Variants in FBRSL1 observed in about 807,000 individuals in gnomAD.
The protein encoded by FBRSL1 is fibrosin-1-like protein.
FBRSL1 carries 51 observed loss-of-function variants against 89.6 expected under a neutral mutation model. That is an observed-to-expected ratio of 0.57 (90% confidence interval 0.45 to 0.72). The LOEUF (loss-of-function observed/expected upper bound fraction) is 0.72, where lower values mean the gene tolerates loss of function less well. FBRSL1 is among the 30% of genes least tolerant of loss of function. FBRSL1 has a pLI of 0.00. For missense variants in FBRSL1, 1,618 were observed against 1,451.8 expected (o/e 1.11, Z -1.86); for synonymous variants, 779 against 681.1 (o/e 1.14, Z -2.24).
intron 1 of FBRSL1, chr12:132,507,336 C>T: frequency 2.0e-6 from 2 of 985,502 alleles, no homozygotes; most frequent in Non-Finnish European, 1.2e-6. Flanking sequence ...ACTTGACGCG[C>T]CGTATCTGTC....
chr12:132,548,045 T>C lies in FBRSL1; in HGVS notation c.645+13T>C. 1 of 1,549,950 alleles carries C rather than the reference T, an allele frequency of 6.5e-7. No homozygotes were observed. The highest frequency in any genetic ancestry group is 8.7e-7 in the Non-Finnish European group (1 of 1,146,562). On this transcript the variant is annotated intron_variant, in intron 5 of 18. Transcript: ENST00000680143. ...CCCGGACGACAAGGTAAGCCCAGCG[T>C]CCTCCTCCTGGGCTCGGCTGACAGC...
At chr12:132,582,939 C>T (rs1308443574) in intron 18 of FBRSL1, 32 bp from the exon 19 acceptor site, 3 of 1,370,898 alleles carry the variant, frequency 2.2e-6, no homozygotes, top group African/African-American at 1.5e-5. Context: ...ACGGAGGTCT[C>T]GGGAGTGACG....
rs1275620790 is a variant in FBRSL1, at chr12:132,570,504, C to G, written c.1177C>G (p.Pro393Ala). Residue 393 changes from proline (P) to alanine (A), a missense_variant, in exon 8 of 19, where the codon CCG becomes GCG. Pro to Ala is a conservative substitution (Grantham distance 27). Transcript: ENST00000680143. The part of the protein sequence containing the change: ...PPTLPPPPAL[P>A]ASSLVLPGHP... ...GACACTGCCCCCGCCCCCGGCGCTG[C>G]CGGCCAGCAGCCTGGTCCTCCCAGG... The G allele has an allele frequency of 2.6e-6, 4 of 1,526,598 alleles. No individual in the cohort carries two copies. Among genetic ancestry groups the G allele is most frequent in the Non-Finnish European group, 2.6e-6 (3 of 1,142,264 alleles). The allele number at this position is 1,526,598 out of a possible 1,614,324, so 94.6% of individuals were successfully genotyped here.
rs1216242760 is a variant in FBRSL1, at chr12:132,527,974, G to A, written c.601G>A (p.Gly201Arg). ...GCAGAGCTCTGCGCATGCGGTCTCG[G>A]GGAGAGGCTACTCTGTAAGTCTCCC... Reference protein sequence around the residue: ...LSDSSAHAVSGRGYSCDSESG... With the variant: ...LSDSSAHAVSRRGYSCDSESG... The change falls in exon 4 of 19, where the codon GGG becomes AGG. Residue 201 changes from glycine (G) to arginine (R), a missense_variant. Coordinates refer to ENST00000680143, the MANE Select transcript of FBRSL1 (RefSeq NM_001367871.1). 1 of 1,551,412 alleles carries A rather than the reference G, an allele frequency of 6.4e-7. No individual in the cohort carries two copies. The highest frequency in any genetic ancestry group is 8.7e-7 in the Non-Finnish European group (1 of 1,146,916).
intron 1 of FBRSL1, among the ~76,000 whole-genome samples, chr12:132,495,623 G>A (rs146876678): frequency 5.3e-5 from 8 of 152,330 alleles, no homozygotes; most frequent in South Asian, 2.1e-4. Context: ...GCAGGGGTGC[G>A]GAGCTGAGCC....
At chr12:132,529,358 C>T (rs1033887597) in intron 4 of FBRSL1, among the ~76,000 whole-genome samples, 3 of 152,208 alleles carry the variant, frequency 2.0e-5, no homozygotes, top group Non-Finnish European at 2.9e-5. Flanking sequence ...ATGGGCGGCG[C>T]GGCCACAGGC....
chr12:132,522,263 C>T (rs1176855752), intron 2 of FBRSL1, among the ~76,000 whole-genome samples: 1 of 152,150 alleles, frequency 6.6e-6, no homozygotes, highest in African/African-American at 2.4e-5. Context: ...CCTGAGCCCC[C>T]GACTGAGCCC....
intron 4 of FBRSL1, among the ~76,000 whole-genome samples, chr12:132,535,947 G>GGTGTGTGAGCGCACATGTGTCC (rs2036688096): frequency 8.2e-6 from 1 of 122,112 alleles, no homozygotes; most frequent in Non-Finnish European, 2.0e-5. Context: ...ATGTGTCCAT[G>GGTGTGTGAGCGCACATGTGTCC]ATGGTGTGTG....
At position 132,525,711 on chromosome 12, in the gene FBRSL1, G is replaced by A. The variant is rs748417665; in HGVS notation, c.490-23G>A. On this transcript the variant is annotated intron_variant, in intron 2 of 18. Coordinates refer to ENST00000680143, the MANE Select transcript of FBRSL1 (RefSeq NM_001367871.1). ...CGCGGTGAGGTGGGGGTTTGCCTGA[G>A]ACAGTGTCTCTCTCTGTCCCAGATG... 38 of 1,536,194 alleles carry A rather than the reference G, an allele frequency of 2.5e-5. No individual in the cohort carries two copies. In the South Asian group the frequency reaches 3.9e-4, roughly 16 times the overall value.
chr12:132,575,390 G>A (rs916868172), intron 14 of FBRSL1, among the ~76,000 whole-genome samples: 9 of 152,206 alleles, frequency 5.9e-5, no homozygotes, highest in African/African-American at 2.2e-4. Flanking sequence ...ACCACACCCG[G>A]CTAATTTTTT....
chr12:132,538,713 G>A (rs943025652), intron 4 of FBRSL1, among the ~76,000 whole-genome samples: 1 of 152,238 alleles, frequency 6.6e-6, no homozygotes. Context: ...GCTGTTGGCT[G>A]CAGTGACTTG....
intron 5 of FBRSL1, chr12:132,552,346 G>C (rs866104386): frequency 1.0e-4 from 16 of 156,612 alleles, no homozygotes; most frequent in Admixed American, 1.3e-4. Flanking sequence ...CTACCAGCAC[G>C]ACAGCCAGAG....
chr12:132,527,296 C>T (rs946464161), intron 3 of FBRSL1, among the ~76,000 whole-genome samples: 2 of 152,218 alleles, frequency 1.3e-5, no homozygotes, highest in African/African-American at 4.8e-5. Context: ...GTCTTCCTGC[C>T]TCCTCTGAGG....
intron 5 of FBRSL1, among the ~76,000 whole-genome samples, chr12:132,558,123 C>G (rs1376075173): frequency 1.3e-5 from 2 of 151,978 alleles, no homozygotes; most frequent in Non-Finnish European, 2.9e-5. Context: ...GGCCTTTGTC[C>G]TCACGGCCCC....
At chr12:132,564,876 G>A (rs1004800895) in intron 5 of FBRSL1, among the ~76,000 whole-genome samples, 17 of 151,994 alleles carry the variant, frequency 1.1e-4, no homozygotes, top group East Asian at 1.9e-4. Context: ...TGATCCGCCG[G>A]CCTCGGCCTC....
intron 5 of FBRSL1, among the ~76,000 whole-genome samples, chr12:132,556,242 T>G (rs964873659): frequency 1.3e-5 from 2 of 152,132 alleles, no homozygotes; most frequent in Non-Finnish European, 2.9e-5. Flanking sequence ...GATGCTGCCC[T>G]CAGGCCTTGG....
intron 4 of FBRSL1, among the ~76,000 whole-genome samples, chr12:132,532,934 C>G (rs575643285): frequency 1.3e-5 from 2 of 152,316 alleles, no homozygotes; most frequent in African/African-American, 4.8e-5. Flanking sequence ...TGCCCTCGCT[C>G]TGTGCCAGGG....
At chr12:132,501,484 C>T (rs2032950548) in intron 1 of FBRSL1, among the ~76,000 whole-genome samples, 1 of 152,118 alleles carries the variant, frequency 6.6e-6, no homozygotes, top group South Asian at 2.1e-4. Flanking sequence ...GGCCAGGAGC[C>T]TCAGAGACCA....
chr12:132,524,811 C>T (rs2035650595), intron 2 of FBRSL1, among the ~76,000 whole-genome samples: 1 of 152,200 alleles, frequency 6.6e-6, no homozygotes, highest in Non-Finnish European at 1.5e-5. Context: ...CTCTCACTTC[C>T]CTCAGCTTTG....
Sources: allele counts gnomAD v4.1 joint callset (sites outside exome capture counted in the v4.1 genomes callset), GRCh38; gene constraint gnomAD v4.1.1; transcripts MANE v1.5; gene names NCBI Gene and HGNC (gene_info 2026-07-23, HGNC 2026-07-21).